Variants in LOXL1 observed in about 807,000 individuals in gnomAD.
LOXL1 encodes the protein lysyl oxidase like 1, also known as lysyl oxidase homolog 1.
LOXL1 carries 31 observed loss-of-function variants against 62.2 expected under a neutral mutation model. The ratio of observed to expected loss-of-function variants is 0.50; its 90% CI spans 0.37 to 0.67. The LOEUF (loss-of-function observed/expected upper bound fraction) is 0.67. Among genes scored for constraint, LOXL1 ranks in the 30% least tolerant of loss-of-function variants. The pLI, the probability that LOXL1 is intolerant of heterozygous loss-of-function variation, is 0.00. For synonymous variants in LOXL1, 403 were observed against 384.4 expected, an observed-to-expected ratio of 1.05 and a Z score of -0.56; for missense variants, 775 against 843.4, an observed-to-expected ratio of 0.92 and a Z score of 1.00.
chr15:73,931,868 C>T (rs1331094231), intron 1 of LOXL1, among the ~76,000 whole-genome samples: 1 of 152,194 alleles, frequency 6.6e-6, no homozygotes, highest in Non-Finnish European at 1.5e-5. Context: ...GAGTTAGAGC[C>T]CAGAGGCAGG....
intron 4 of LOXL1, 39 bp from the exon 5 acceptor site, chr15:73,947,768 C>A: frequency 7.0e-7 from 1 of 1,423,850 alleles, no homozygotes; most frequent in Non-Finnish European, 9.8e-7. Context: ...CTCTGGGAAA[C>A]AAGCAGCATC....
rs2068743967 is a variant in LOXL1 at position 73,945,914 on chromosome 15, A to C, written c.1212-503A>C. On this transcript the variant is annotated intron_variant, in intron 2 of 6. Transcript: ENST00000261921. The surrounding 1 kb of genome is among the most constrained non-coding windows in gnomAD (Gnocchi z 4.3). Reference sequence around the variant, plus strand: ...TTTCTTTAATTAAATTAATTTTTTAAATTTTAATTTCTCACTATGTTGCCC... The same window carrying C: ...TTTCTTTAATTAAATTAATTTTTTACATTTTAATTTCTCACTATGTTGCCC... Among the ~76,000 whole-genome samples the C allele has an allele frequency of 6.6e-6, 1 of 152,082 alleles. No homozygotes were observed. The highest frequency in any genetic ancestry group is 6.5e-5 in the Admixed American group (1 of 15,274).
At chr15:73,933,414 C>A (rs2068649046) in intron 1 of LOXL1, among the ~76,000 whole-genome samples, 1 of 152,168 alleles carries the variant, frequency 6.6e-6, no homozygotes, top group Non-Finnish European at 1.5e-5. Flanking sequence ...GAGGTGTAAA[C>A]ACCTGAAAAA....
chr15:73,940,663 G>A (rs1350590851), intron 1 of LOXL1, among the ~76,000 whole-genome samples: 1 of 152,118 alleles, frequency 6.6e-6, no homozygotes, highest in Non-Finnish European at 1.5e-5. Flanking sequence ...TGTGCCCAGG[G>A]CCAGGGTTCA....
intron 6 of LOXL1, among the ~76,000 whole-genome samples, chr15:73,949,912 TC>T (rs1213154669): frequency 6.6e-6 from 1 of 152,158 alleles, no homozygotes; most frequent in African/African-American, 2.4e-5. Flanking sequence ...TTGGGTTACT[TC>T]CCTGAGCTAC....
Position 73,927,083 on chromosome 15 carries a change from G to T in LOXL1, c.300G>T (p.Leu100=). The change falls in exon 1 of 7, where the codon CTG becomes CTT. Residue 100 remains leucine (L), a synonymous_variant. Coordinates refer to ENST00000261921, the MANE Select transcript of LOXL1 (RefSeq NM_005576.4). ...CCCGGCGTCGGCAGGCGCCGTCCCT[G>T]CCCCTGCCGGGGCGCGTGGGCTCGG... ...GSPRRRQAPS[L]PLPGRVGSDT... is the part of the protein sequence containing the mutation. 7.7e-7 allele frequency: 1 copy of T among 1,306,988 alleles called. No individual in the cohort carries two copies. Among genetic ancestry groups the T allele is most frequent in the Non-Finnish European group, 9.8e-7 (1 of 1,023,484 alleles). The allele number at this position is 1,306,988 out of a possible 1,614,324, so 81.0% of individuals were successfully genotyped here.
At chr15:73,944,646 G>T (rs1035622033) in intron 2 of LOXL1, among the ~76,000 whole-genome samples, 1 of 152,236 alleles carries the variant, frequency 6.6e-6, no homozygotes, top group Non-Finnish European at 1.5e-5. Context: ...TTCACATGCT[G>T]CAGGCAGAAC....
At chr15:73,947,725 G>C in intron 4 of LOXL1, 82 bp from the exon 5 acceptor site, 1 of 970,538 alleles carries the variant, frequency 1.0e-6, no homozygotes, top group Non-Finnish European at 1.6e-6. Context: ...GGGGAAGGTG[G>C]GCCAGAAACT....
chr15:73,949,607 G>A (rs775175143), intron 6 of LOXL1, 33 bp downstream of exon 6: 93 of 1,473,436 alleles, frequency 6.3e-5, no homozygotes, highest in Non-Finnish European at 8.1e-5. Flanking sequence ...TCCTGGCTCC[G>A]TCCCTTTCCT....
rs1272764891 is a variant in LOXL1 at position 73,927,693 on chromosome 15, G to A, written c.910G>A (p.Asp304Asn). 17 of 1,483,594 alleles carry A rather than the reference G, an allele frequency of 1.1e-5. No homozygotes were observed. The highest frequency in any genetic ancestry group is 2.9e-5 in the African/African-American group (2 of 68,460). 91.9% of individuals were successfully genotyped at this position (1,483,594 alleles called of 1,614,324 possible). A position where few individuals can be genotyped will look rare whatever the true frequency, so the allele number is the denominator to read the frequency against. The change falls in exon 1 of 7, where the codon GAC (aspartate) becomes AAC (asparagine). Residue 304 changes from aspartate (D) to asparagine (N), a missense_variant. Asp to Asn is a conservative substitution (Grantham distance 23). Transcript: ENST00000261921. Reference sequence around the variant, plus strand: ...CGAGGCGGCGCAGGCCCATGGCGGAGACCCACGCCTGGGCTGGTACCCGCC... The same window carrying A: ...CGAGGCGGCGCAGGCCCATGGCGGAAACCCACGCCTGGGCTGGTACCCGCC... ...GPEAAQAHGG[D>N]PRLGWYPPYA... is the part of the protein sequence containing the mutation.
chr15:73,947,957 C>T (rs1330947305), intron 5 of LOXL1, 55 bp downstream of exon 5: 1 of 1,346,696 alleles, frequency 7.4e-7, no homozygotes, highest in Non-Finnish European at 1.1e-6. Flanking sequence ...GTCCAATGTC[C>T]CCCCGTTCCT....
Position 73,927,664 on chromosome 15 carries a change from G to A in LOXL1, c.881G>A (p.Gly294Asp). The A allele has an allele frequency of 6.7e-7, 1 of 1,486,918 alleles. No homozygotes were observed. Among genetic ancestry groups the A allele is most frequent in the Admixed American group, 2.3e-5 (1 of 43,858 alleles). The allele number at this position is 1,486,918 out of a possible 1,614,324, so 92.1% of individuals were successfully genotyped here. A position where few individuals can be genotyped will look rare whatever the true frequency, so the allele number is the denominator to read the frequency against. Residue 294 changes from glycine (G) to aspartate (D), a missense_variant, in exon 1 of 7, where the codon GGT (glycine) becomes GAT (aspartate). Gly to Asp is a moderately conservative substitution (Grantham distance 94, BLOSUM62 -1). Coordinates refer to ENST00000261921, the MANE Select transcript of LOXL1 (RefSeq NM_005576.4). ...PGFEQAYPDP[G>D]PEAAQAHGGD... ...TTCGAGCAGGCCTACCCTGACCCCG[G>A]TCCCGAGGCGGCGCAGGCCCATGGC...
Position 73,946,594 on chromosome 15 carries a change from C to T in LOXL1, c.1349+40C>T, listed in dbSNP as rs2068749830. ...GCTGGGCCCGTCCTCTTCCACTTCTCCTCTGGGCCAGGGACCTTGGTGCCT... is the reference window on the plus strand; with the variant it reads ...GCTGGGCCCGTCCTCTTCCACTTCTTCTCTGGGCCAGGGACCTTGGTGCCT... On this transcript the variant is annotated intron_variant, in intron 3 of 6. Transcript: ENST00000261921. 3 of 1,571,048 alleles carry T rather than the reference C, an allele frequency of 1.9e-6. No individual in the cohort carries two copies. In the South Asian group the frequency reaches 3.5e-5, roughly 18 times the overall value.
rs1567085086 is a variant in LOXL1 at position 73,933,475 on chromosome 15, G to A, written c.1102+5590G>A. Among the ~76,000 whole-genome samples, 3 of 152,204 alleles carry A rather than the reference G, an allele frequency of 2.0e-5. No individual in the cohort carries two copies. The South Asian group carries it at 6.2e-4, about 32-fold the overall frequency. Reference sequence around the variant, plus strand: ...GTTTGCGGGCCCCACAGAGTTGCTGGGGATGGTGGCAGAGCAGGGTTGGGA... The same window carrying A: ...GTTTGCGGGCCCCACAGAGTTGCTGAGGATGGTGGCAGAGCAGGGTTGGGA... On this transcript the variant is annotated intron_variant, in intron 1 of 6. Transcript: ENST00000261921.
rs1002168743 is a variant in LOXL1, at chr15:73,927,820, G to A, written c.1037G>A (p.Arg346Gln). The A allele has an allele frequency of 7.4e-7, 1 of 1,360,288 alleles. No homozygotes were observed. Among genetic ancestry groups the A allele is most frequent in the Admixed American group, 3.9e-5 (1 of 25,336 alleles). 84.3% of individuals were successfully genotyped at this position (1,360,288 alleles called of 1,614,324 possible). A position where few individuals can be genotyped will look rare whatever the true frequency, so the allele number is the denominator to read the frequency against. The change falls in exon 1 of 7, where the codon CGG (arginine) becomes CAG (glutamine). Residue 346 changes from arginine to glutamine, a missense_variant. Coordinates refer to ENST00000261921, the MANE Select transcript of LOXL1 (RefSeq NM_005576.4). ...SSDTPPPGGE[R>Q]NGAQQGRLSV... ...GACACGCCCCCGCCGGGTGGGGAGC[G>A]GAACGGCGCGCAGCAGGGCCGCCTC...
intron 1 of LOXL1, among the ~76,000 whole-genome samples, chr15:73,928,452 A>G (rs1211814087): frequency 6.6e-6 from 1 of 152,182 alleles, no homozygotes; most frequent in Non-Finnish European, 1.5e-5. Flanking sequence ...TCCAGGCAGG[A>G]GTCCGGACTT....
chr15:73,937,162 G>A lies in LOXL1; in HGVS notation c.1103-5692G>A, dbSNP rs537759384. ...GTTCCCGAGGGCGGGCACGGGAGCC[G>A]TCAGCAACTCCAGACCCAGCATTGA... is the stretch of plus-strand genomic sequence containing the variant. On this transcript the variant is annotated intron_variant, in intron 1 of 6. Coordinates refer to ENST00000261921, the MANE Select transcript of LOXL1 (RefSeq NM_005576.4). Among the ~76,000 whole-genome samples, 9 of 152,294 alleles carry A rather than the reference G, an allele frequency of 5.9e-5. No homozygotes were observed. The East Asian group carries it at 1.2e-3, about 20-fold the overall frequency.
At chr15:73,947,954 G>A in intron 5 of LOXL1, 52 bp downstream of exon 5, 1 of 1,371,630 alleles carries the variant, frequency 7.3e-7, no homozygotes, top group Non-Finnish European at 1.0e-6. Flanking sequence ...CATGTCCAAT[G>A]TCCCCCCGTT....
chr15:73,944,492 AGAGGAGG>A (rs935520462), intron 2 of LOXL1, among the ~76,000 whole-genome samples: 20 of 152,166 alleles, frequency 1.3e-4, no homozygotes, highest in African/African-American at 4.6e-4. Flanking sequence ...GCTGGAGGTC[AGAGGAGG>A]GAGGGATCAG....
Sources: gnomAD v4.1 joint callset for allele counts (sites outside exome capture counted in the v4.1 genomes callset) on GRCh38, gnomAD v4.1.1 for gene constraint, Gnocchi (gnomAD v3.1) non-coding constraint, MANE v1.5 for transcripts, NCBI Gene and HGNC (gene_info 2026-07-23, HGNC 2026-07-21) for gene names.